CDKL4: variants seen among roughly 807,000 people sequenced by gnomAD.
The protein encoded by CDKL4 is cyclin dependent kinase like 4.
In CDKL4, 44 loss-of-function variants were observed where a neutral mutation model predicts 42.0. The ratio of observed to expected loss-of-function variants is 1.05; its 90% CI spans 0.82 to 1.35. The LOEUF is 1.35. Among genes scored for constraint, CDKL4 ranks in the 40% most tolerant of loss-of-function variants. The pLI, the probability that CDKL4 is intolerant of heterozygous loss-of-function variation, is 0.00. For missense variants in CDKL4, 393 were observed against 369.9 expected (o/e 1.06, Z -0.51); for synonymous variants, 120 against 121.6 (o/e 0.99, Z 0.09).
At chr2:39,226,456 T>TATTATATATATTATATATATA (rs1553393162) in intron 2 of CDKL4, among the ~76,000 whole-genome samples, 1 of 137,440 alleles carries the variant, frequency 7.3e-6, no homozygotes, top group Non-Finnish European at 1.5e-5. Context: ...TATATATATA[T>TATTATATATATTATATATATA]TATATATATT....
upstream of CDKL4, among the ~76,000 whole-genome samples, chr2:39,245,348 C>A (rs533330353): frequency 3.9e-4 from 59 of 152,276 alleles, no homozygotes; most frequent in Middle Eastern, 6.8e-3. Context: ...AGCTTCACTC[C>A]TGAGCCAGCG....
At chr2:39,173,244 G>C (rs1185329481), downstream of CDKL4, among the ~76,000 whole-genome samples, 2 of 152,178 alleles carry the variant, frequency 1.3e-5, no homozygotes, top group Non-Finnish European at 2.9e-5. Context: ...ATTTAAGATA[G>C]CTAGAGCAGT....
At chr2:39,228,668 C>G (rs998695022) in intron 2 of CDKL4, among the ~76,000 whole-genome samples, 3 of 152,128 alleles carry the variant, frequency 2.0e-5, no homozygotes, top group African/African-American at 7.2e-5. Context: ...AACAAGGTCC[C>G]CGGGGATTCC....
At chr2:39,202,180 C>T (rs1005405737) in intron 5 of CDKL4, among the ~76,000 whole-genome samples, 3 of 151,760 alleles carry the variant, frequency 2.0e-5, no homozygotes, top group African/African-American at 4.8e-5. Flanking sequence ...TGCGGTGAGC[C>T]GAGATCACAC....
At chr2:39,236,266 T>A (rs1038683970) in intron 1 of CDKL4, among the ~76,000 whole-genome samples, 1 of 147,502 alleles carries the variant, frequency 6.8e-6, no homozygotes, top group Non-Finnish European at 1.5e-5. Flanking sequence ...GCAGTCAAAA[T>A]GAAAGAAGAA....
At chr2:39,236,117 T>A (rs1209000031) in intron 1 of CDKL4, among the ~76,000 whole-genome samples, 75 of 74,838 alleles carry the variant, frequency 1.0e-3, no homozygotes, top group African/African-American at 1.0e-3. Context: ...AATCAGAAAA[T>A]GAAAATAAAA....
chr2:39,230,029 T>C (rs967143270), intron 1 of CDKL4, among the ~76,000 whole-genome samples: 25 of 152,378 alleles, frequency 1.6e-4, no homozygotes, highest in Non-Finnish European at 3.1e-4. Context: ...AAAAGTGCTA[T>C]ACTTCCACCT....
intron 5 of CDKL4, among the ~76,000 whole-genome samples, chr2:39,200,102 CA>C (rs1182829776): frequency 6.6e-6 from 1 of 152,080 alleles, no homozygotes; most frequent in African/African-American, 2.4e-5. Flanking sequence ...AAGACTCCTT[CA>C]AAAAGCTCCT....
chr2:39,185,590 G>A lies in CDKL4; in HGVS notation c.736-943C>T, dbSNP rs531907537. Among the ~76,000 whole-genome samples the A allele has an allele frequency of 3.5e-4, 52 of 150,590 alleles. 1 individual carries two copies. Among genetic ancestry groups the A allele is most frequent in the African/African-American group, 1.3e-3 (52 of 40,950 alleles). ...CCATTCTCCTGCCTCAGTCTCCCGA[G>A]TAGCTGGGACTACAGGCGCCCACCA... On this transcript the variant is annotated intron_variant, in intron 7 of 9. Transcript: ENST00000451199.
intron 8 of CDKL4, among the ~76,000 whole-genome samples, chr2:39,184,143 C>A (rs77820925): frequency 0.033 from 4,994 of 152,280 alleles, 139 homozygotes; most frequent in Non-Finnish European, 0.042. Context: ...GTAGACAGAA[C>A]TTAATTGATT....
chr2:39,230,391 C>G (rs1186518507), intron 1 of CDKL4, among the ~76,000 whole-genome samples: 1 of 152,158 alleles, frequency 6.6e-6, no homozygotes, highest in Non-Finnish European at 1.5e-5. Context: ...TTTATTGCTC[C>G]TAGCTTTTAT....
intron 1 of CDKL4, among the ~76,000 whole-genome samples, chr2:39,231,281 G>C (rs1236188431): frequency 6.6e-6 from 1 of 152,106 alleles, no homozygotes; most frequent in Admixed American, 6.5e-5. Context: ...CTTTATCCAG[G>C]TCTTGGTATT....
intron 3 of CDKL4, among the ~76,000 whole-genome samples, chr2:39,217,597 T>C (rs1400100174): frequency 3.3e-5 from 5 of 152,222 alleles, no homozygotes; most frequent in African/African-American, 7.2e-5. Flanking sequence ...AATAACATTT[T>C]ACTTCCATTT....
chr2:39,241,565 G>A (rs1238374897), intron 1 of CDKL4, among the ~76,000 whole-genome samples: 4 of 152,096 alleles, frequency 2.6e-5, no homozygotes, highest in Non-Finnish European at 4.4e-5. Flanking sequence ...TCTGTACGCC[G>A]TGGCCCCAAT....
At chr2:39,204,638 TA>T (rs756623982) in intron 4 of CDKL4, 21 bp from the exon 5 acceptor site, 41 of 1,285,512 alleles carry the variant, frequency 3.2e-5, no homozygotes, top group Admixed American at 2.2e-4. Flanking sequence ...ATTATTTGAT[TA>T]TTTTTCTGAA....
At chr2:39,173,584 C>T (rs887463277), downstream of CDKL4, among the ~76,000 whole-genome samples, 2 of 151,800 alleles carry the variant, frequency 1.3e-5, no homozygotes, top group African/African-American at 2.4e-5. Context: ...CCGAGATGGG[C>T]GGATCACGAG....
rs142922424 is a variant in CDKL4 at position 39,225,538 on chromosome 2, T to C, written c.290+301A>G. On this transcript the variant is annotated intron_variant, in intron 3 of 9. Coordinates refer to ENST00000451199, the Ensembl canonical transcript of CDKL4. ...ATTTTTTTATCTTATTAGTGAATTA[T>C]ATGAATAGGTTTCCTAGTATCAAAC... 8.1e-3 allele frequency among the ~76,000 whole-genome samples: 1,229 copies of C among 152,324 alleles called. 20 individuals are homozygous for C. Among genetic ancestry groups the C allele is most frequent in the African/African-American group, 0.024 (1,004 of 41,572 alleles).
intron 9 of CDKL4, among the ~76,000 whole-genome samples, chr2:39,176,502 T>A (rs1382950056): frequency 2.0e-5 from 3 of 152,186 alleles, no homozygotes; most frequent in Non-Finnish European, 4.4e-5. Context: ...TGGTGCAATC[T>A]CGGCTCACTG....
chr2:39,190,293 T>G lies in CDKL4; in HGVS notation c.652+12A>C. Reference sequence around the variant, plus strand: ...ATTCAGCAACTCTGTTGCCATAAAATGCAATTCATACCTAGTGTTCTGATT... The same window carrying G: ...ATTCAGCAACTCTGTTGCCATAAAAGGCAATTCATACCTAGTGTTCTGATT... On this transcript the variant is annotated intron_variant, in intron 6 of 9. Transcript: ENST00000451199. The G allele has an allele frequency of 8.7e-6, 14 of 1,606,932 alleles. No homozygotes were observed. Among genetic ancestry groups the G allele is most frequent in the Non-Finnish European group, 1.1e-5 (13 of 1,173,732 alleles).
Sources: allele counts gnomAD v4.1 joint callset (sites outside exome capture counted in the v4.1 genomes callset), GRCh38; gene constraint gnomAD v4.1.1; transcripts MANE v1.5; gene names NCBI Gene and HGNC (gene_info 2026-07-23, HGNC 2026-07-21).